TBC1D14: variants seen among roughly 807,000 people sequenced by gnomAD.
TBC1D14 encodes TBC1 domain family member 14.
In TBC1D14, 26 loss-of-function variants were observed where a neutral mutation model predicts 79.0. That is an observed-to-expected ratio of 0.33 (90% CI 0.24 to 0.46). TBC1D14 has a LOEUF of 0.46. Ranked by LOEUF, TBC1D14 falls within the 20% of genes least tolerant of loss-of-function variation. TBC1D14 has a pLI of 1.00. For synonymous variants in TBC1D14, 394 were observed against 349.9 expected (o/e 1.13, Z -1.40); for missense variants, 769 against 887.6 (o/e 0.87, Z 1.70).
At chr4:6,922,495 G>A (rs1192625209) in intron 1 of TBC1D14, among the ~76,000 whole-genome samples, 3 of 152,134 alleles carry the variant, frequency 2.0e-5, no homozygotes, top group Admixed American at 6.6e-5. Context: ...CCGAGCCTTG[G>A]TTTCTTCCGT....
At position 6,923,446 on chromosome 4, in the gene TBC1D14, G is replaced by T; in HGVS notation, c.57G>T (p.Leu19=). The T allele has an allele frequency of 7.4e-6, 12 of 1,614,090 alleles. No individual in the cohort carries two copies. The highest frequency in any genetic ancestry group is 1.0e-5 in the Non-Finnish European group (12 of 1,180,010). ...ATGGCGTAGCCTTCATGGGTATTCT[G>T]GATGGTCGACCAGGAAACCCCCTTC... is the stretch of plus-strand genomic sequence containing the variant. The part of the protein sequence containing the change: ...STNGVAFMGI[L]DGRPGNPLQN... Residue 19 remains leucine, a synonymous_variant, in exon 2 of 14, where the codon CTG becomes CTT. Transcript: ENST00000409757.
intron 12 of TBC1D14, among the ~76,000 whole-genome samples, chr4:7,015,063 G>A (rs1300805584): frequency 6.6e-6 from 1 of 152,134 alleles, no homozygotes; most frequent in Non-Finnish European, 1.5e-5. Context: ...GGTCTGGTGG[G>A]GTAGAGGTTG....
intron 2 of TBC1D14, among the ~76,000 whole-genome samples, chr4:6,961,677 C>T (rs750733333): frequency 1.0e-3 from 153 of 152,184 alleles, no homozygotes; most frequent in Middle Eastern, 3.4e-3. Context: ...GCAGGGCTGG[C>T]GTGGTCCACT....
At chr4:7,027,955 C>T (rs188417043) in intron 13 of TBC1D14, among the ~76,000 whole-genome samples, 1 of 139,990 alleles carries the variant, frequency 7.1e-6, no homozygotes, top group African/African-American at 2.7e-5. Context: ...AGATCACCCC[C>T]CACACACACA....
intron 12 of TBC1D14, among the ~76,000 whole-genome samples, chr4:7,014,768 CCT>C (rs1482447580): frequency 6.6e-6 from 1 of 152,232 alleles, no homozygotes. Flanking sequence ...GTATCTTGGG[CCT>C]GTTTGTTTCC....
chr4:6,935,394 C>G (rs1346600257), intron 2 of TBC1D14, among the ~76,000 whole-genome samples: 2 of 152,064 alleles, frequency 1.3e-5, no homozygotes, highest in Non-Finnish European at 2.9e-5. Flanking sequence ...GGAGTGGGAT[C>G]TAGAGTTCAA....
intron 2 of TBC1D14, among the ~76,000 whole-genome samples, chr4:6,939,869 G>A (rs1712732169): frequency 6.6e-6 from 1 of 152,226 alleles, no homozygotes; most frequent in Non-Finnish European, 1.5e-5. Context: ...TGGTGTGCGG[G>A]TGAAGCGTGT....
At chr4:6,968,535 A>G (rs1715908756) in intron 3 of TBC1D14, among the ~76,000 whole-genome samples, 1 of 152,238 alleles carries the variant, frequency 6.6e-6, no homozygotes. Flanking sequence ...GCAGGGTCAC[A>G]TTGCTAGTAA....
At position 7,004,824 on chromosome 4, in the gene TBC1D14, C is replaced by A. The variant is rs1464105720; in HGVS notation, c.1271-20C>A. On this transcript the variant is annotated intron_variant, in intron 7 of 13. Transcript: ENST00000409757. ...AAAATACATGTGCACGTAATACTTA[C>A]CCAGAGGCTTTTCTTCCAGAGCTCT... The A allele has an allele frequency of 6.2e-7, 1 of 1,613,426 alleles. No homozygotes were observed. Among genetic ancestry groups the A allele is most frequent in the Admixed American group, 1.7e-5 (1 of 59,980 alleles).
chr4:6,945,654 C>T (rs1577068832), intron 2 of TBC1D14, among the ~76,000 whole-genome samples: 1 of 145,554 alleles, frequency 6.9e-6, no homozygotes, highest in Admixed American at 7.3e-5. Context: ...GAGGCTGAGG[C>T]AGGAGAATCG....
intron 2 of TBC1D14, among the ~76,000 whole-genome samples, chr4:6,930,880 C>T (rs374642284): frequency 1.3e-5 from 2 of 151,498 alleles, no homozygotes; most frequent in Admixed American, 6.6e-5. Context: ...CACACACTTA[C>T]TCTGGGTCTT....
In TBC1D14 at chr4:7,011,283, G is replaced by A. The variant is rs769349241; in HGVS notation, c.1647+502G>A. ...AAGGCAGCCATTTGTTTAGTGGACC[G>A]CTCTAGTCTTTATGACACTGCGTAA... On this transcript the variant is annotated intron_variant, in intron 11 of 13. Coordinates refer to ENST00000409757, the MANE Select transcript of TBC1D14 (RefSeq NM_020773.3). Among the ~76,000 whole-genome samples the A allele has an allele frequency of 5.8e-4, 88 of 150,462 alleles. 1 individual carries two copies. The highest frequency in any genetic ancestry group is 1.6e-4 in the Non-Finnish European group (11 of 67,598).
At chr4:6,933,009 G>C (rs755476388) in intron 2 of TBC1D14, among the ~76,000 whole-genome samples, 6 of 152,130 alleles carry the variant, frequency 3.9e-5, no homozygotes, top group South Asian at 2.1e-4. Context: ...GGCAGAGCTC[G>C]TTGTGGCTAT....
chr4:6,991,296 G>A (rs1718459551), intron 3 of TBC1D14, among the ~76,000 whole-genome samples: 1 of 152,204 alleles, frequency 6.6e-6, no homozygotes. Context: ...GATTACTTCT[G>A]ATGCATGTCT....
intron 3 of TBC1D14, among the ~76,000 whole-genome samples, chr4:6,968,403 C>T (rs753439460): frequency 2.6e-5 from 4 of 152,214 alleles, no homozygotes; most frequent in African/African-American, 4.8e-5. Flanking sequence ...CTAGTTCTAA[C>T]GGACTCAGCA....
chr4:6,937,970 C>T (rs1712509839), intron 2 of TBC1D14, among the ~76,000 whole-genome samples: 1 of 152,124 alleles, frequency 6.6e-6, no homozygotes, highest in African/African-American at 2.4e-5. Context: ...GCTGATTGAG[C>T]CGCATCTGGT....
chr4:6,974,962 AG>A (rs36108531), intron 3 of TBC1D14, among the ~76,000 whole-genome samples: 16,785 of 151,802 alleles, frequency 0.11, 1,178 homozygotes, highest in Middle Eastern at 0.18. Flanking sequence ...CCCAGGCTGG[AG>A]TGCAGTGGTG....
At chr4:6,937,201 G>A (rs1409841220) in intron 2 of TBC1D14, among the ~76,000 whole-genome samples, 1 of 152,268 alleles carries the variant, frequency 6.6e-6, no homozygotes, top group Non-Finnish European at 1.5e-5. Flanking sequence ...ACAGGCGTGA[G>A]CCACCACGCT....
intron 2 of TBC1D14, among the ~76,000 whole-genome samples, chr4:6,947,028 A>G (rs528909003): frequency 6.6e-6 from 1 of 152,298 alleles, no homozygotes; most frequent in Admixed American, 6.5e-5. Flanking sequence ...ACTAAGTTAC[A>G]TGGGCATTTT....
Sources: allele counts gnomAD v4.1 joint callset (sites outside exome capture counted in the v4.1 genomes callset), GRCh38; gene constraint gnomAD v4.1.1; transcripts MANE v1.5; gene names NCBI Gene and HGNC (gene_info 2026-07-23, HGNC 2026-07-21).